GCKR: variants seen among roughly 807,000 people sequenced by gnomAD.
GCKR encodes the protein glucokinase regulatory protein.
GCKR carries 73 observed loss-of-function variants against 82.9 expected under a neutral mutation model. The ratio of observed to expected loss-of-function variants is 0.88; its 90% CI spans 0.73 to 1.07. The LOEUF (loss-of-function observed/expected upper bound fraction) is 1.07, where lower values mean the gene tolerates loss of function less well. Among genes scored for constraint, GCKR ranks in the 50% least tolerant of loss-of-function variants. The pLI is 0.00. For missense variants in GCKR, 784 were observed against 782.1 expected, an observed-to-expected ratio of 1.00 and a Z score of -0.03; for synonymous variants, 294 against 291.8, an observed-to-expected ratio of 1.01 and a Z score of -0.08.
intron 14 of GCKR, 77 bp from the exon 15 acceptor site, chr2:27,507,900 C>A: frequency 8.3e-7 from 1 of 1,210,064 alleles, no homozygotes; most frequent in Non-Finnish European, 1.2e-6. Context: ...AATATCCTGA[C>A]TGGACCCCAG....
At position 27,499,173 on chromosome 2, in the gene GCKR, G is replaced by A. The variant is rs752249072; in HGVS notation, c.460G>A (p.Asp154Asn). The A allele has an allele frequency of 2.5e-6, 4 of 1,612,092 alleles. No homozygotes were observed. The highest frequency in any genetic ancestry group is 3.4e-6 in the Non-Finnish European group (4 of 1,178,236). Residue 154 changes from aspartate to asparagine, a missense_variant, in exon 6 of 19, where the codon GAT becomes AAT. Coordinates refer to ENST00000264717, the MANE Select transcript of GCKR (RefSeq NM_001486.4). ...SVVASREGTEDSALHGIEELK... is the reference protein window; with the variant it reads ...SVVASREGTENSALHGIEELK... ...GGTGGCCTCTAGGGAGGGGACAGAA[G>A]ATAGTGCCTTGCACGGGATTGAGGA...
intron 4 of GCKR, 116 bp from the exon 5 acceptor site, chr2:27,498,608 G>A: frequency 1.3e-6 from 1 of 754,864 alleles, no homozygotes; most frequent in South Asian, 1.4e-5. Flanking sequence ...GTAGGACTGG[G>A]TTAAGCACTG....
intron 16 of GCKR, among the ~76,000 whole-genome samples, chr2:27,514,975 CTATTAT>C (rs1215098730): frequency 2.0e-5 from 3 of 151,996 alleles, no homozygotes; most frequent in Middle Eastern, 3.4e-3. Flanking sequence ...TATTTTATTA[CTATTAT>C]TATTATTGTT....
At chr2:27,507,502 C>T in intron 13 of GCKR, 179 bp from the exon 14 acceptor site, 1 of 679,388 alleles carries the variant, frequency 1.5e-6, no homozygotes, top group Non-Finnish European at 2.6e-6. Flanking sequence ...AGTCCCCAAA[C>T]TTGGCCCTAG....
chr2:27,505,319 C>T lies in GCKR; in HGVS notation c.751-399C>T, dbSNP rs745879893. ...GCTGAGGCAGGAGAATGGCGTGAAC[C>T]CAGGAGGCAGAGCTTGCAGTGAGCC... On this transcript the variant is annotated intron_variant, in intron 9 of 18. Transcript: ENST00000264717. Among the ~76,000 whole-genome samples the T allele has an allele frequency of 9.5e-4, 132 of 139,598 alleles. 1 individual carries two copies. The Middle Eastern group carries it at 0.045, about 48-fold the overall frequency. The allele number at this position is 139,598 out of a possible 152,430, so 91.6% of individuals were successfully genotyped here.
intron 16 of GCKR, 126 bp from the exon 17 acceptor site, chr2:27,518,662 A>T: frequency 1.2e-6 from 1 of 816,748 alleles, no homozygotes; most frequent in Middle Eastern, 3.1e-4. Flanking sequence ...TGCTCAAACA[A>T]ATCATGTTTG....
chr2:27,519,004 A>G (rs1670084553), intron 17 of GCKR, 67 bp downstream of exon 17: 3 of 1,419,652 alleles, frequency 2.1e-6, no homozygotes, highest in Non-Finnish European at 3.0e-6. Context: ...AGAGGAGGGC[A>G]TTTTGTAGAG....
chr2:27,508,367 C>G (rs1669803109), intron 16 of GCKR, 116 bp downstream of exon 16: 4 of 755,328 alleles, frequency 5.3e-6, no homozygotes, highest in Non-Finnish European at 2.4e-6. Flanking sequence ...CTGACCCTCA[C>G]AAAGCCAGCT....
At position 27,501,274 on chromosome 2, in the gene GCKR, G is replaced by A. The variant is rs963909201; in HGVS notation, c.644+45G>A. 4 of 1,232,354 alleles carry A rather than the reference G, an allele frequency of 3.2e-6. No homozygotes were observed. The South Asian group carries it at 3.6e-5, about 11-fold the overall frequency. 76.3% of individuals were successfully genotyped at this position (1,232,354 alleles called of 1,614,324 possible). A position where few individuals can be genotyped will look rare whatever the true frequency, so the allele number is the denominator to read the frequency against. On this transcript the variant is annotated intron_variant, in intron 8 of 18. Coordinates refer to ENST00000264717, the MANE Select transcript of GCKR (RefSeq NM_001486.4). ...TGGGCAGCCCTGGGGCAGGCTGGAG[G>A]GGAACATGTCAAAGTCTACAGTACA...
chr2:27,498,208 C>G (rs771496119), intron 3 of GCKR, 47 bp from the exon 4 acceptor site: 1 of 1,393,330 alleles, frequency 7.2e-7, no homozygotes, highest in South Asian at 1.2e-5. Context: ...TATTCTTCTC[C>G]CAACCTGAGC....
chr2:27,505,875 C>T lies in GCKR; in HGVS notation c.869+39C>T, dbSNP rs113587834. 353 of 1,097,668 alleles carry T rather than the reference C, an allele frequency of 3.2e-4. 2 individuals carry two copies. The African/African-American group carries it at 4.2e-3, about 13-fold the overall frequency. The allele number at this position is 1,097,668 out of a possible 1,614,324, so 68.0% of individuals were successfully genotyped here. On this transcript the variant is annotated intron_variant, in intron 10 of 18. Coordinates refer to ENST00000264717, the MANE Select transcript of GCKR (RefSeq NM_001486.4). The stretch of plus-strand genomic sequence containing the variant: ...GGATAAGAGAGAGCTCAGAGTCAGG[C>T]GAGTGTGAGATGGTGTGGATGGAGA...
intron 1 of GCKR, 65 bp downstream of exon 1, chr2:27,497,029 C>T: frequency 7.2e-7 from 1 of 1,388,216 alleles, no homozygotes; most frequent in Non-Finnish European, 1.0e-6. Context: ...ATCCAGTCTT[C>T]CCTCCCCGCT....
At chr2:27,518,045 A>G (rs1356436793) in intron 16 of GCKR, among the ~76,000 whole-genome samples, 1 of 152,194 alleles carries the variant, frequency 6.6e-6, no homozygotes, top group Non-Finnish European at 1.5e-5. Flanking sequence ...ATTTTTCAAC[A>G]AACATTTTTT....
intron 16 of GCKR, among the ~76,000 whole-genome samples, chr2:27,513,788 T>A (rs1043317775): frequency 6.6e-6 from 1 of 152,184 alleles, no homozygotes; most frequent in Admixed American, 6.5e-5. Context: ...AAAATAATAA[T>A]AACCTTCTTA....
At position 27,505,760 on chromosome 2, in the gene GCKR, GCCA is replaced by G; in HGVS notation, c.797_799del (p.Thr266del). On this transcript the variant is annotated inframe_deletion, in exon 10 of 19. Transcript: ENST00000264717. ...CTCCTCCCGGATGAAAGGTGGAAGT[GCCA>G]CCAAGATTCTGCTGGAAACCCTGTT... The G allele has an allele frequency of 6.2e-7, 1 of 1,612,458 alleles. No individual in the cohort carries two copies. The highest frequency in any genetic ancestry group is 8.5e-7 in the Non-Finnish European group (1 of 1,178,514).
intron 8 of GCKR, among the ~76,000 whole-genome samples, chr2:27,502,871 A>C (rs766934793): frequency 1.3e-5 from 2 of 152,266 alleles, no homozygotes; most frequent in Non-Finnish European, 2.9e-5. Flanking sequence ...TAGCAAAGCC[A>C]TTAGAAATCA....
chr2:27,518,487 C>T (rs1465782879), intron 16 of GCKR, among the ~76,000 whole-genome samples: 3 of 152,048 alleles, frequency 2.0e-5, no homozygotes, highest in African/African-American at 7.2e-5. Flanking sequence ...GTCTGATACC[C>T]GGGGAGAAAA....
intron 11 of GCKR, 27 bp from the exon 12 acceptor site, chr2:27,506,761 A>G (rs1260692301): frequency 1.1e-5 from 16 of 1,457,520 alleles, no homozygotes; most frequent in Non-Finnish European, 1.4e-5. Flanking sequence ...GTGATCTCTC[A>G]TGTCCTGACC....
At position 27,523,581 on chromosome 2, in the gene GCKR, T is replaced by C. The variant is rs1670203905; in HGVS notation, c.*142T>C. 11 of 773,308 alleles carry C rather than the reference T, an allele frequency of 1.4e-5. No individual in the cohort carries two copies. The East Asian group carries it at 2.9e-4, about 21-fold the overall frequency. The allele number at this position is 773,308 out of a possible 1,614,324, so 47.9% of individuals were successfully genotyped here. On this transcript the variant is annotated 3_prime_UTR_variant, in exon 19 of 19. Transcript: ENST00000264717. Reference sequence around the variant, plus strand: ...CCGCAGCCCAGGGTAGGGAGAAATATTCTCTCCACTTTGGGGGAGAGTTCT... The same window carrying C: ...CCGCAGCCCAGGGTAGGGAGAAATACTCTCTCCACTTTGGGGGAGAGTTCT...
Sources: allele counts gnomAD v4.1 joint callset (sites outside exome capture counted in the v4.1 genomes callset), GRCh38; gene constraint gnomAD v4.1.1; transcripts MANE v1.5; gene names NCBI Gene and HGNC (gene_info 2026-07-23, HGNC 2026-07-21).